The following ASF1B variants were observed in gnomAD, a reference collection of about 807,000 sequenced individuals.
ASF1B encodes the protein histone chaperone ASF1B.
In ASF1B, 10 loss-of-function variants were observed where a neutral mutation model predicts 16.6. That is an observed-to-expected ratio of 0.60 (90% confidence interval 0.37 to 1.02). The LOEUF is 1.02. Ranked by LOEUF, ASF1B falls within the 50% of genes least tolerant of loss-of-function variation. ASF1B has a pLI of 0.01. For synonymous variants in ASF1B, 101 were observed against 106.2 expected, an observed-to-expected ratio of 0.95 and a Z score of 0.30; for missense variants, 240 against 266.0, an observed-to-expected ratio of 0.90 and a Z score of 0.68.
rs377039226 is a variant in ASF1B, at chr19:14,136,104, G to A, written c.109+244C>T. 7.0e-3 allele frequency among the ~76,000 whole-genome samples: 1,057 copies of A among 151,144 alleles called. 17 individuals carry two copies. The highest frequency in any genetic ancestry group is 0.025 in the African/African-American group (1,018 of 41,078). ...TGGGAGGTCCGAGTTAGCTGGCGGG[G>A]GGTCTCCACCCGGGAGGTCAAGGCG... On this transcript the variant is annotated intron_variant, in intron 1 of 3. Transcript: ENST00000263382.
rs764132488 is a variant in ASF1B, at chr19:14,136,377, C to G, written c.80G>C (p.Ser27Thr). ...CGCCAGGGCTTCACTGCACTCGAAG[C>G]TGATCTCGAACCGGAAGGGGCTGTG... The part of the protein sequence containing the change: ...PFHSPFRFEI[S>T]FECSEALADD... Residue 27 changes from serine (S) to threonine (T), a missense_variant, in exon 1 of 4, where the codon AGC becomes ACC. Physicochemically the swap from Ser to Thr is moderately conservative, Grantham distance 58. Coordinates refer to ENST00000263382, the MANE Select transcript of ASF1B (RefSeq NM_018154.3). 3.7e-6 allele frequency: 6 copies of G among 1,613,612 alleles called. No homozygotes were observed. The highest frequency in any genetic ancestry group is 5.1e-6 in the Non-Finnish European group (6 of 1,179,692).
chr19:14,135,918 G>T (rs1370760967), intron 1 of ASF1B, among the ~76,000 whole-genome samples: 1 of 152,060 alleles, frequency 6.6e-6, no homozygotes, highest in Non-Finnish European at 1.5e-5. Context: ...AGATCTCCGT[G>T]GGTTAAGAAA....
chr19:14,133,286 T>TA (rs1490637144), intron 1 of ASF1B, among the ~76,000 whole-genome samples: 1 of 152,144 alleles, frequency 6.6e-6, no homozygotes, highest in Non-Finnish European at 1.5e-5. Flanking sequence ...GGAGCAAAGA[T>TA]AAAGAATTTA....
intron 2 of ASF1B, among the ~76,000 whole-genome samples, chr19:14,122,303 G>T (rs1356779282): frequency 2.6e-5 from 4 of 151,954 alleles, no homozygotes; most frequent in Non-Finnish European, 5.9e-5. Flanking sequence ...CTGACTTCAG[G>T]TGATCTGCCC....
chr19:14,123,454 A>T (rs911040691), intron 2 of ASF1B, among the ~76,000 whole-genome samples: 2 of 136,222 alleles, frequency 1.5e-5, no homozygotes, highest in Non-Finnish European at 3.0e-5. Flanking sequence ...ATCTCGGCTC[A>T]CTGCAAGCTC....
chr19:14,135,564 A>G (rs1182419160), intron 1 of ASF1B, among the ~76,000 whole-genome samples: 1 of 152,110 alleles, frequency 6.6e-6, no homozygotes, highest in East Asian at 1.9e-4. Context: ...GGGGTTATTG[A>G]AATATTGGCA....
intron 1 of ASF1B, among the ~76,000 whole-genome samples, chr19:14,132,718 T>C (rs1006724054): frequency 6.6e-6 from 1 of 152,146 alleles, no homozygotes; most frequent in African/African-American, 2.4e-5. Flanking sequence ...CTTGGGATAC[T>C]GAGGCCGGAG....
intron 1 of ASF1B, among the ~76,000 whole-genome samples, chr19:14,131,915 A>G (rs1199905331): frequency 1.3e-5 from 2 of 152,120 alleles, no homozygotes; most frequent in Non-Finnish European, 2.9e-5. Context: ...TGAATTTCTC[A>G]GCTAAATGTG....
chr19:14,134,859 AC>A (rs918559832), intron 1 of ASF1B, among the ~76,000 whole-genome samples: 1 of 147,254 alleles, frequency 6.8e-6, no homozygotes, highest in African/African-American at 2.5e-5. Context: ...CAATCCACCC[AC>A]CCCCCAGACT....
At chr19:14,121,241 C>T in intron 3 of ASF1B, 2 of 471,030 alleles carry the variant, frequency 4.2e-6, no homozygotes, top group Non-Finnish European at 7.4e-6. Context: ...CCACCTCAGC[C>T]TCCAGAGTAG....
At chr19:14,132,377 A>T (rs1385201210) in intron 1 of ASF1B, among the ~76,000 whole-genome samples, 3 of 152,172 alleles carry the variant, frequency 2.0e-5, no homozygotes, top group Non-Finnish European at 4.4e-5. Context: ...AGAGTGAGGC[A>T]GATTCTCCCT....
At chr19:14,128,607 TGGGACCACA>T (rs1167266649) in intron 1 of ASF1B, among the ~76,000 whole-genome samples, 1 of 152,228 alleles carries the variant, frequency 6.6e-6, no homozygotes, top group Non-Finnish European at 1.5e-5. Flanking sequence ...CCCAAGTAGC[TGGGACCACA>T]GGCTTGTGCC....
intron 1 of ASF1B, 143 bp downstream of exon 1, chr19:14,136,205 C>G: frequency 1.9e-6 from 1 of 534,542 alleles, no homozygotes. Context: ...ATCCGGTTGA[C>G]TGGCGGGCTG....
intron 1 of ASF1B, among the ~76,000 whole-genome samples, chr19:14,135,626 G>A (rs992281103): frequency 1.3e-5 from 2 of 151,882 alleles, no homozygotes; most frequent in African/African-American, 4.9e-5. Flanking sequence ...GTTGAGAGAG[G>A]TCCTGAAAAG....
chr19:14,128,571 C>T (rs1967352056), intron 1 of ASF1B, among the ~76,000 whole-genome samples: 1 of 152,192 alleles, frequency 6.6e-6, no homozygotes, highest in South Asian at 2.1e-4. Flanking sequence ...AATTCCTGCG[C>T]TCAAGTGATT....
chr19:14,120,913 C>T (rs139833988), intron 3 of ASF1B, among the ~76,000 whole-genome samples: 6 of 151,900 alleles, frequency 3.9e-5, no homozygotes, highest in African/African-American at 9.7e-5. Context: ...CTCTGCCTTC[C>T]GGGTTCAAGC....
intron 1 of ASF1B, among the ~76,000 whole-genome samples, chr19:14,136,114 C>T (rs1194571948): frequency 1.4e-5 from 2 of 145,592 alleles, no homozygotes; most frequent in Non-Finnish European, 3.0e-5. Context: ...GGGTCTCCAC[C>T]CGGGAGGTCA....
chr19:14,122,014 T>C (rs1967246821), intron 2 of ASF1B, among the ~76,000 whole-genome samples: 1 of 151,362 alleles, frequency 6.6e-6, no homozygotes, highest in African/African-American at 2.4e-5. Flanking sequence ...CACTGCAACC[T>C]CCGCCTCACG....
At chr19:14,131,275 C>T (rs1967400623) in intron 1 of ASF1B, among the ~76,000 whole-genome samples, 2 of 151,598 alleles carry the variant, frequency 1.3e-5, no homozygotes, top group East Asian at 1.9e-4. Flanking sequence ...ACCTCTGCCT[C>T]CCGGGTTCTA....
Sources: allele counts gnomAD v4.1 joint callset (sites outside exome capture counted in the v4.1 genomes callset), GRCh38; gene constraint gnomAD v4.1.1; transcripts MANE v1.5; gene names NCBI Gene and HGNC (gene_info 2026-07-23, HGNC 2026-07-21).